Variants in HDLBP observed in about 807,000 individuals in gnomAD.
The protein encoded by HDLBP is high density lipoprotein binding protein, also known as vigilin.
HDLBP carries 30 observed loss-of-function variants against 137.3 expected under a neutral mutation model. The ratio of observed to expected loss-of-function variants is 0.22; its 90% confidence interval spans 0.16 to 0.30. The LOEUF (loss-of-function observed/expected upper bound fraction) is 0.30. Ranked by LOEUF, HDLBP falls within the 10% of genes least tolerant of loss-of-function variation. HDLBP has a pLI of 1.00. For missense variants in HDLBP, 1,119 were observed against 1,667.3 expected, an observed-to-expected ratio of 0.67 and a Z score of 5.73; for synonymous variants, 606 against 596.0, an observed-to-expected ratio of 1.02 and a Z score of -0.24.
intron 1 of HDLBP, among the ~76,000 whole-genome samples, chr2:241,312,169 C>T (rs996148880): frequency 2.6e-5 from 4 of 152,150 alleles, no homozygotes; most frequent in Admixed American, 6.5e-5. Context: ...AATATGAATG[C>T]TAATAAAAAG....
rs1374456315 is a variant in HDLBP, at chr2:241,236,622, G to A, written c.2897C>T (p.Ala966Val). ...GGGCACATGGACACATACCTCCAGAGCTTCCTTGGCAGCCTCACACTTTTC... is the reference window on the plus strand; with the variant it reads ...GGGCACATGGACACATACCTCCAGAACTTCCTTGGCAGCCTCACACTTTTC... ...RKEKCEAAKEALEALVPVTIE... is the reference protein window; with the variant it reads ...RKEKCEAAKEVLEALVPVTIE... Residue 966 changes from alanine (A) to valine (V), a missense_variant, in exon 21 of 28, where the codon GCT (alanine) becomes GTT (valine). Transcript: ENST00000310931. The A allele has an allele frequency of 6.2e-7, 1 of 1,614,024 alleles. No individual in the cohort carries two copies. Among genetic ancestry groups the A allele is most frequent in the Non-Finnish European group, 8.5e-7 (1 of 1,179,966 alleles).
At chr2:241,248,954 A>T (rs1300044691) in intron 12 of HDLBP, among the ~76,000 whole-genome samples, 1 of 152,096 alleles carries the variant, frequency 6.6e-6, no homozygotes, top group African/African-American at 2.4e-5. Flanking sequence ...ATTCTGAGAG[A>T]TTCTGGATCA....
intron 1 of HDLBP, among the ~76,000 whole-genome samples, chr2:241,314,671 G>A (rs909668541): frequency 5.9e-5 from 9 of 152,218 alleles, no homozygotes; most frequent in African/African-American, 2.2e-4. Flanking sequence ...ACCATGTCAA[G>A]TCTGACCCTC....
At chr2:241,231,094 T>G (rs2069687242) in intron 24 of HDLBP, 150 bp from the exon 25 acceptor site, 1 of 685,836 alleles carries the variant, frequency 1.5e-6, no homozygotes, top group African/African-American at 1.8e-5. Flanking sequence ...GTTAACAATG[T>G]CCACTCAGGG....
chr2:241,272,365 G>C lies in HDLBP; in HGVS notation c.-102-3824C>G. 2 of 984,198 alleles carry C rather than the reference G, an allele frequency of 2.0e-6. No homozygotes were observed. The highest frequency in any genetic ancestry group is 2.4e-6 in the Non-Finnish European group (2 of 829,620). The allele number at this position is 984,198 out of a possible 1,614,324, so 61.0% of individuals were successfully genotyped here. A position where few individuals can be genotyped will look rare whatever the true frequency, so the allele number is the denominator to read the frequency against. ...GGCCCCGCCAACGTCAGCGACCTGG[G>C]CTCAGGTCGGCCGCCCCTCCGCGCC... On this transcript the variant is annotated intron_variant, in intron 1 of 27. Transcript: ENST00000310931. This position sits in a 1 kb window ranked among gnomAD's most constrained non-coding sequence, Gnocchi z 5.6.
chr2:241,242,900 C>T (rs552488385), intron 16 of HDLBP: 196 of 565,722 alleles, frequency 3.5e-4, no homozygotes, highest in Admixed American at 9.3e-4. Flanking sequence ...GCAGAGCAGG[C>T]GCGCTGGGAG....
chr2:241,290,342 G>C (rs1417975926), intron 1 of HDLBP, among the ~76,000 whole-genome samples: 1 of 152,154 alleles, frequency 6.6e-6, no homozygotes, highest in Non-Finnish European at 1.5e-5. Context: ...CGGGTACAGT[G>C]GTTTACGCCT....
At chr2:241,248,918 C>T (rs2071891006) in intron 12 of HDLBP, among the ~76,000 whole-genome samples, 1 of 152,098 alleles carries the variant, frequency 6.6e-6, no homozygotes, top group Admixed American at 6.5e-5. Context: ...GGAAGAACAC[C>T]AACAGCCAAC....
intron 11 of HDLBP, chr2:241,251,056 T>C (rs2149459891): frequency 6.6e-6 from 1 of 152,320 alleles, no homozygotes; most frequent in South Asian, 2.1e-4. Flanking sequence ...CACTGCAGCC[T>C]TGACTTCCTG....
chr2:241,254,267 A>T (rs1349044210), intron 9 of HDLBP, among the ~76,000 whole-genome samples: 3 of 152,156 alleles, frequency 2.0e-5, no homozygotes, highest in Non-Finnish European at 4.4e-5. Flanking sequence ...TTGTCACTAA[A>T]AAAAAGGAAT....
At chr2:241,285,667 A>C (rs2074778823) in intron 1 of HDLBP, among the ~76,000 whole-genome samples, 1 of 152,218 alleles carries the variant, frequency 6.6e-6, no homozygotes, top group South Asian at 2.1e-4. Context: ...ATAATGAAGG[A>C]GTGAAGAGAA....
intron 3 of HDLBP, among the ~76,000 whole-genome samples, chr2:241,265,128 T>G (rs574701398): frequency 6.6e-6 from 1 of 152,318 alleles, no homozygotes; most frequent in African/African-American, 2.4e-5. Context: ...TAAAAATGAT[T>G]GCCGTGGAGG....
Position 241,271,411 on chromosome 2 carries a change from T to C in HDLBP, c.-102-2870A>G, listed in dbSNP as rs182155879. ...GAACCAAGACCCCTTTCCGCCCTAA[T>C]ACGTGTAGAGCAAAACGTGGAGTCC... On this transcript the variant is annotated intron_variant, in intron 1 of 27. Coordinates refer to ENST00000310931, the MANE Select transcript of HDLBP (RefSeq NM_005336.6). 3.3e-3 allele frequency among the ~76,000 whole-genome samples: 496 copies of C among 152,300 alleles called. 5 individuals are homozygous for C. Among genetic ancestry groups the C allele is most frequent in the African/African-American group, 0.012 (480 of 41,558 alleles).
chr2:241,285,046 A>G (rs2074751890), intron 1 of HDLBP, among the ~76,000 whole-genome samples: 1 of 152,142 alleles, frequency 6.6e-6, no homozygotes, highest in Non-Finnish European at 1.5e-5. Flanking sequence ...ACACCCAGCT[A>G]ATTTTCGTAC....
At chr2:241,247,973 C>A in intron 14 of HDLBP, 30 bp downstream of exon 14, 1 of 1,499,668 alleles carries the variant, frequency 6.7e-7, no homozygotes, top group South Asian at 1.1e-5. Context: ...CAGGTGCTGT[C>A]ATACAAGAAA....
At position 241,236,984 on chromosome 2, in the gene HDLBP, G is replaced by C. The variant is rs201381023; in HGVS notation, c.2750-215C>G. ...AAGAGGGCTCCCAGACCTTGGGGGG[G>C]GGGGGGGGGGCGGCAATGAAGGCTT... On this transcript the variant is annotated intron_variant, in intron 20 of 27. Transcript: ENST00000310931. 3.7e-3 allele frequency among the ~76,000 whole-genome samples: 547 copies of C among 148,324 alleles called. 17 individuals carry two copies. The highest frequency in any genetic ancestry group is 9.1e-3 in the African/African-American group (368 of 40,492).
intron 4 of HDLBP, among the ~76,000 whole-genome samples, chr2:241,263,731 GCAGA>G (rs1056381006): frequency 2.0e-5 from 3 of 152,180 alleles, no homozygotes; most frequent in African/African-American, 7.2e-5. Context: ...AATTCAGGTA[GCAGA>G]GAGAAGGGCT....
At chr2:241,231,201 A>C in intron 24 of HDLBP, 1 of 387,030 alleles carries the variant, frequency 2.6e-6, no homozygotes, top group Non-Finnish European at 4.8e-6. Context: ...CCTGACCAAC[A>C]TGGAGAAACC....
At position 241,315,619 on chromosome 2, in the gene HDLBP, T is replaced by G. The variant is rs1044566681; in HGVS notation, c.-152A>C. 3 of 152,278 alleles carry G rather than the reference T, an allele frequency of 2.0e-5. No individual in the cohort carries two copies. The highest frequency in any genetic ancestry group is 4.1e-4 in the South Asian group (2 of 4,836). 9.4% of individuals were successfully genotyped at this position (152,278 alleles called of 1,614,324 possible). ...AAAACCGAGCTCATAAGGTAGGAACTGTGGCGAAACAGGGACAAGCCGCCA... is the reference window on the plus strand; with the variant it reads ...AAAACCGAGCTCATAAGGTAGGAACGGTGGCGAAACAGGGACAAGCCGCCA... On this transcript the variant is annotated 5_prime_UTR_variant, in exon 1 of 28. Transcript: ENST00000310931.
Sources: gnomAD v4.1 joint callset for allele counts (sites outside exome capture counted in the v4.1 genomes callset) on GRCh38, gnomAD v4.1.1 for gene constraint, Gnocchi (gnomAD v3.1) non-coding constraint, MANE v1.5 for transcripts, NCBI Gene and HGNC (gene_info 2026-07-23, HGNC 2026-07-21) for gene names.